The following CHIC1 variants were observed in gnomAD, a reference collection of about 807,000 sequenced individuals.
The protein encoded by CHIC1 is cysteine-rich hydrophobic domain-containing protein 1.
A neutral mutation model predicts 18.5 loss-of-function variants in CHIC1; 7 were observed. The observed-to-expected ratio is 0.38, with a 90% CI of 0.22 to 0.71. The LOEUF (loss-of-function observed/expected upper bound fraction) is 0.71. CHIC1 is among the 30% of genes least tolerant of loss of function. The pLI is 0.49. For synonymous variants in CHIC1, 77 were observed against 73.5 expected (o/e 1.05, Z -0.25); for missense variants, 159 against 176.9 (o/e 0.90, Z 0.57).
intron 3 of CHIC1, among the ~76,000 whole-genome samples, chrX:73,641,603 G>C (rs1173740195): frequency 9.1e-6 from 1 of 110,156 alleles, no homozygotes; most frequent in Non-Finnish European, 1.9e-5. Flanking sequence ...TGCCATGCTG[G>C]TGTGCTGCAC....
intron 3 of CHIC1, among the ~76,000 whole-genome samples, chrX:73,639,467 T>C (rs776548767): frequency 1.6e-3 from 177 of 112,024 alleles, no homozygotes; most frequent in Non-Finnish European, 2.6e-3. Flanking sequence ...ATTTTGTACA[T>C]TGTTTTCTCT....
At chrX:73,621,279 T>G (rs991318806) in intron 3 of CHIC1, among the ~76,000 whole-genome samples, 1 of 112,150 alleles carries the variant, frequency 8.9e-6, no homozygotes, top group Non-Finnish European at 1.9e-5. Context: ...AATCTGTGAA[T>G]TACTTTGGGC....
At chrX:73,605,601 A>C (rs781437140) in intron 3 of CHIC1, among the ~76,000 whole-genome samples, 1 of 108,426 alleles carries the variant, frequency 9.2e-6, no homozygotes, top group South Asian at 3.8e-4. Context: ...TGGTCTTTAA[A>C]ATTTGATATG....
At chrX:73,617,930 C>T (rs188875275) in intron 3 of CHIC1, among the ~76,000 whole-genome samples, 2 of 111,964 alleles carry the variant, frequency 1.8e-5, no homozygotes, top group East Asian at 2.8e-4. Flanking sequence ...GGAAGATCTG[C>T]GTCTTAAGGG....
chrX:73,673,531 A>G (rs771754108), intron 3 of CHIC1, among the ~76,000 whole-genome samples: 1 of 111,786 alleles, frequency 8.9e-6, no homozygotes, highest in Non-Finnish European at 1.9e-5. Context: ...GAGTTTACTC[A>G]TGATTTGGCT....
intron 3 of CHIC1, among the ~76,000 whole-genome samples, chrX:73,620,548 G>T (rs958376844): frequency 1.8e-5 from 2 of 111,446 alleles, no homozygotes; most frequent in African/African-American, 6.5e-5. Context: ...TTTTGGTGGG[G>T]TTGTTTTTAT....
chrX:73,629,277 A>G (rs1211405318), intron 3 of CHIC1, among the ~76,000 whole-genome samples: 1 of 108,336 alleles, frequency 9.2e-6, no homozygotes, highest in East Asian at 2.9e-4. Context: ...TATTTTGTTG[A>G]TTGTCTCCTT....
chrX:73,628,290 A>G (rs1286416929), intron 3 of CHIC1, among the ~76,000 whole-genome samples: 3 of 111,840 alleles, frequency 2.7e-5, no homozygotes, highest in Non-Finnish European at 5.6e-5. Flanking sequence ...TGACCGCTCC[A>G]GCTGGCGTCT....
chrX:73,674,330 C>G, intron 3 of CHIC1, among the ~76,000 whole-genome samples: 1 of 112,006 alleles, frequency 8.9e-6, no homozygotes, highest in Non-Finnish European at 1.9e-5. Flanking sequence ...CTTTCTACCT[C>G]TGGTAGAATT....
At chrX:73,675,588 A>T (rs1016058262) in intron 3 of CHIC1, among the ~76,000 whole-genome samples, 1 of 111,272 alleles carries the variant, frequency 9.0e-6, no homozygotes, top group Non-Finnish European at 1.9e-5. Flanking sequence ...TGCTTGGTAG[A>T]TCTTCCTCCA....
chrX:73,592,283 C>G (rs187977602), intron 3 of CHIC1, among the ~76,000 whole-genome samples: 102 of 111,086 alleles, frequency 9.2e-4, no homozygotes, highest in Middle Eastern at 4.6e-3. Flanking sequence ...TTCCAGTTCT[C>G]AAAAAGGCTG....
chrX:73,563,392 G>T lies in CHIC1; in HGVS notation c.108G>T (p.Ser36=). ...CGTCGTCGTCGCCGTCGTCGTCGTC[G>T]TCGGTATCTGGGCCCGACGATGACG... ...ATSSSSPSSS[S]SVSGPDDDEE... is the part of the protein sequence containing the mutation. The change falls in exon 1 of 6, where the codon TCG becomes TCT. Residue 36 remains serine (S), a synonymous_variant. Coordinates refer to ENST00000373502, the MANE Select transcript of CHIC1 (RefSeq NM_001039840.4). 2 of 1,158,193 alleles carry T rather than the reference G, an allele frequency of 1.7e-6. No homozygotes were observed. Among genetic ancestry groups the T allele is most frequent in the South Asian group, 3.9e-5 (2 of 51,328 alleles).
At chrX:73,595,881 A>G (rs765254385) in intron 3 of CHIC1, among the ~76,000 whole-genome samples, 1 of 111,551 alleles carries the variant, frequency 9.0e-6, no homozygotes, top group African/African-American at 3.3e-5. Context: ...CTGGAGTGAC[A>G]TGGTATCTCA....
In CHIC1 at chrX:73,687,097, T is replaced by C. The variant is rs2147640460; in HGVS notation, c.*6092T>C. ...AAATTTAAAATAAAGTGTAAATCTATGTTAATGAATTGAATTCTGTGTTTT... is the reference window on the plus strand; with the variant it reads ...AAATTTAAAATAAAGTGTAAATCTACGTTAATGAATTGAATTCTGTGTTTT... On this transcript the variant is annotated 3_prime_UTR_variant, in exon 6 of 6. Transcript: ENST00000373502. The C allele has an allele frequency of 8.9e-6, 1 of 112,028 alleles. No individual in the cohort carries two copies. The highest frequency in any genetic ancestry group is 3.7e-4 in the South Asian group (1 of 2,732). The allele number at this position is 112,028 out of a possible 1,213,427, so 9.2% of individuals were successfully genotyped here.
intron 3 of CHIC1, among the ~76,000 whole-genome samples, chrX:73,617,556 A>G (rs1248944681): frequency 8.9e-6 from 1 of 112,010 alleles, no homozygotes; most frequent in East Asian, 2.8e-4. Flanking sequence ...AAGAGGTTTA[A>G]TGGACTCACA....
At chrX:73,619,260 A>T (rs142194529) in intron 3 of CHIC1, among the ~76,000 whole-genome samples, 2 of 110,007 alleles carry the variant, frequency 1.8e-5, no homozygotes, top group Non-Finnish European at 3.8e-5. Flanking sequence ...AGAGTTCACA[A>T]TGTGAATCTC....
At chrX:73,638,551 AG>A (rs1372177745) in intron 3 of CHIC1, among the ~76,000 whole-genome samples, 1 of 111,199 alleles carries the variant, frequency 9.0e-6, no homozygotes, top group Non-Finnish European at 1.9e-5. Context: ...TTTTAGGTTC[AG>A]GGTACATGTG....
chrX:73,628,044 G>T (rs1314529932), intron 3 of CHIC1, among the ~76,000 whole-genome samples: 1 of 111,419 alleles, frequency 9.0e-6, no homozygotes, highest in African/African-American at 3.3e-5. Flanking sequence ...TTCCTTCAAG[G>T]CAGTGGGTTC....
chrX:73,658,551 G>A (rs1290430999), intron 3 of CHIC1, among the ~76,000 whole-genome samples: 1 of 105,980 alleles, frequency 9.4e-6, no homozygotes, highest in Non-Finnish European at 1.9e-5. Context: ...ATTAGTCTAG[G>A]TAGAATTCTA....
Sources: allele counts gnomAD v4.1 joint callset (sites outside exome capture counted in the v4.1 genomes callset), GRCh38; gene constraint gnomAD v4.1.1; transcripts MANE v1.5; gene names NCBI Gene and HGNC (gene_info 2026-07-23, HGNC 2026-07-21).